The following SLC12A8 variants were observed in gnomAD, a reference collection of about 807,000 sequenced individuals.
SLC12A8 encodes cation-chloride cotransporter 9.
Under a neutral mutation model 75.6 loss-of-function variants are expected in SLC12A8, and 69 were observed. The observed-to-expected ratio is 0.91, with a 90% CI of 0.75 to 1.11. The LOEUF (loss-of-function observed/expected upper bound fraction) is 1.11. Among genes scored for constraint, SLC12A8 ranks in the 50% most tolerant of loss-of-function variants. SLC12A8 has a pLI of 0.00. For missense variants in SLC12A8, 877 were observed against 896.7 expected, an observed-to-expected ratio of 0.98 and a Z score of 0.28; for synonymous variants, 365 against 372.8, an observed-to-expected ratio of 0.98 and a Z score of 0.24.
At chr3:125,174,368 A>T (rs948001006) in intron 5 of SLC12A8, among the ~76,000 whole-genome samples, 1 of 152,214 alleles carries the variant, frequency 6.6e-6, no homozygotes, top group African/African-American at 2.4e-5. Context: ...AGCAACAGGA[A>T]CTCTCATTCA....
At chr3:125,173,814 G>C (rs1046350907) in intron 5 of SLC12A8, among the ~76,000 whole-genome samples, 1 of 152,220 alleles carries the variant, frequency 6.6e-6, no homozygotes. Context: ...ACAGTGGCCG[G>C]GCGCAGTGGC....
intron 10 of SLC12A8, among the ~76,000 whole-genome samples, chr3:125,099,196 G>A (rs1938797022): frequency 6.6e-6 from 1 of 151,816 alleles, no homozygotes. Flanking sequence ...CAGACACAGG[G>A]GGCAACTCCT....
chr3:125,175,124 A>AT (rs1208297308), intron 5 of SLC12A8, among the ~76,000 whole-genome samples: 2 of 152,158 alleles, frequency 1.3e-5, no homozygotes, highest in East Asian at 1.9e-4. Context: ...AAGTGAATTA[A>AT]TTTTTTTTAA....
At chr3:125,104,155 G>A (rs1292547051) in intron 10 of SLC12A8, among the ~76,000 whole-genome samples, 1 of 152,040 alleles carries the variant, frequency 6.6e-6, no homozygotes, top group Non-Finnish European at 1.5e-5. Context: ...GCCCAGGCTG[G>A]AGTGCGGTGG....
chr3:125,179,771 T>G (rs1474574306), intron 4 of SLC12A8, among the ~76,000 whole-genome samples: 1 of 152,130 alleles, frequency 6.6e-6, no homozygotes, highest in Non-Finnish European at 1.5e-5. Context: ...CCTGCATTCA[T>G]CTCAGAACTC....
At chr3:125,196,578 G>A (rs1670817400) in intron 2 of SLC12A8, among the ~76,000 whole-genome samples, 2 of 152,114 alleles carry the variant, frequency 1.3e-5, no homozygotes, top group African/African-American at 2.4e-5. Context: ...AATATATAGA[G>A]ACCTAGATAG....
intron 5 of SLC12A8, among the ~76,000 whole-genome samples, chr3:125,157,253 T>TGCAAGGCATACAA: frequency 1.3e-5 from 2 of 152,308 alleles, no homozygotes; most frequent in African/African-American, 4.8e-5. Flanking sequence ...TACTCACATA[T>TGCAAGGCATACAA]ATGAATACAA....
intron 5 of SLC12A8, among the ~76,000 whole-genome samples, chr3:125,143,343 A>G (rs1933693807): frequency 6.6e-6 from 1 of 152,230 alleles, no homozygotes; most frequent in Admixed American, 6.5e-5. Flanking sequence ...ATCGGGCTGT[A>G]TTGCTTTGTA....
chr3:125,188,682 G>A (rs147155083), intron 3 of SLC12A8, among the ~76,000 whole-genome samples: 2 of 152,376 alleles, frequency 1.3e-5, no homozygotes, highest in African/African-American at 4.8e-5. Context: ...TGTGTTGTGA[G>A]TGCTGGAGAG....
At chr3:125,120,571 C>G in intron 7 of SLC12A8, 28 bp downstream of exon 7, 2 of 1,558,194 alleles carry the variant, frequency 1.3e-6, no homozygotes, top group Non-Finnish European at 1.8e-6. Context: ...CTCTCTAGCT[C>G]AGACTGATTG....
intron 7 of SLC12A8, chr3:125,119,214 T>C (rs901774968): frequency 1.9e-5 from 3 of 158,004 alleles, no homozygotes; most frequent in African/African-American, 7.2e-5. Context: ...TTTTTCTCTT[T>C]CTTATATTAA....
chr3:125,193,775 T>G (rs1320628311), intron 2 of SLC12A8, among the ~76,000 whole-genome samples: 6 of 152,102 alleles, frequency 3.9e-5, no homozygotes, highest in Non-Finnish European at 7.4e-5. Context: ...CACGCTAAGA[T>G]TCTCTGAGTG....
intron 8 of SLC12A8, among the ~76,000 whole-genome samples, chr3:125,112,992 T>C (rs1560055517): frequency 6.6e-6 from 1 of 152,254 alleles, no homozygotes; most frequent in Non-Finnish European, 1.5e-5. Context: ...TGGCATCTCC[T>C]TGCAGAAATT....
intron 6 of SLC12A8, among the ~76,000 whole-genome samples, chr3:125,134,128 G>C (rs1381381935): frequency 6.6e-6 from 1 of 152,060 alleles, no homozygotes; most frequent in Admixed American, 6.6e-5. Flanking sequence ...TAGAGACACA[G>C]TCTCGCTCTG....
chr3:125,097,106 C>T (rs563683926), intron 10 of SLC12A8, among the ~76,000 whole-genome samples: 2 of 152,164 alleles, frequency 1.3e-5, no homozygotes, highest in South Asian at 2.1e-4. Context: ...AACACTAGGC[C>T]GGGCACAGTG....
rs546645525 is a variant in SLC12A8, at chr3:125,211,212, C to T, written c.51+87G>A. On this transcript the variant is annotated intron_variant, in intron 2 of 13. Transcript: ENST00000469902. ...TGGAGTTAATTACATCTAAAGGGTG[C>T]GCTGTAATGTTTGCATCCAGCCCAC... 44 of 1,053,688 alleles carry T rather than the reference C, an allele frequency of 4.2e-5. No individual in the cohort carries two copies. In the Middle Eastern group the frequency reaches 7.5e-4, roughly 18 times the overall value. The allele number at this position is 1,053,688 out of a possible 1,614,324, so 65.3% of individuals were successfully genotyped here.
At chr3:125,173,005 A>G (rs1934438539) in intron 5 of SLC12A8, among the ~76,000 whole-genome samples, 1 of 152,078 alleles carries the variant, frequency 6.6e-6, no homozygotes, top group Non-Finnish European at 1.5e-5. Context: ...ATAGTGAAAC[A>G]CTGTCTCTAC....
At chr3:125,092,892 T>C (rs1938620289) in intron 10 of SLC12A8, among the ~76,000 whole-genome samples, 1 of 152,192 alleles carries the variant, frequency 6.6e-6, no homozygotes, top group South Asian at 2.1e-4. Flanking sequence ...TAATAATTTT[T>C]TAATGTCAGA....
intron 4 of SLC12A8, among the ~76,000 whole-genome samples, chr3:125,179,922 G>A (rs563004210): frequency 1.4e-4 from 21 of 152,300 alleles, no homozygotes; most frequent in African/African-American, 4.8e-4. Flanking sequence ...TGACAAAAAT[G>A]TAGCAATGGA....
Sources: gnomAD v4.1 joint callset for allele counts (sites outside exome capture counted in the v4.1 genomes callset) on GRCh38, gnomAD v4.1.1 for gene constraint, MANE v1.5 for transcripts, NCBI Gene and HGNC (gene_info 2026-07-23, HGNC 2026-07-21) for gene names.